UTP25: variants seen among roughly 807,000 people sequenced by gnomAD.
UTP25 encodes UTP25 small subunit processome component, also known as U3 small nucleolar RNA-associated protein 25 homolog.
UTP25 carries 50 observed loss-of-function variants against 78.9 expected under a neutral mutation model. That is an observed-to-expected ratio of 0.63 (90% CI 0.50 to 0.80). The LOEUF is 0.80. Among genes scored for constraint, UTP25 ranks in the 30% least tolerant of loss-of-function variants. The probability of loss-of-function intolerance (pLI) is 0.00; values close to 1 mark genes in which losing one functional copy is unlikely to be tolerated. For missense variants in UTP25, 846 were observed against 911.3 expected, an observed-to-expected ratio of 0.93 and a Z score of 0.92; for synonymous variants, 329 against 336.5, an observed-to-expected ratio of 0.98 and a Z score of 0.24.
intron 5 of UTP25, 150 bp from the exon 6 acceptor site, chr1:209,836,651 G>A (rs887764019): frequency 7.6e-6 from 6 of 792,452 alleles, no homozygotes; most frequent in Non-Finnish European, 9.7e-6. Flanking sequence ...ACTATAACAT[G>A]AGTATCATGG....
rs1234930297 is a variant in UTP25 at position 209,855,481 on chromosome 1, A to G, written c.*4034A>G. ...TTTCAAACAAACTGGTTTTCTCAGTATAGCCCTATGCTCAAAAGGAGTGAG... is the reference window on the plus strand; with the variant it reads ...TTTCAAACAAACTGGTTTTCTCAGTGTAGCCCTATGCTCAAAAGGAGTGAG... On this transcript the variant is annotated 3_prime_UTR_variant, in exon 12 of 12. Transcript: ENST00000491415. The G allele has an allele frequency of 6.6e-6, 1 of 152,312 alleles. No homozygotes were observed. Among genetic ancestry groups the G allele is most frequent in the African/African-American group, 2.4e-5 (1 of 41,480 alleles). The allele number at this position is 152,312 out of a possible 1,614,324, so 9.4% of individuals were successfully genotyped here.
chr1:209,832,441 C>T (rs932655857), intron 3 of UTP25, among the ~76,000 whole-genome samples: 4 of 152,124 alleles, frequency 2.6e-5, no homozygotes, highest in Non-Finnish European at 4.4e-5. Context: ...CTTTTTCCCC[C>T]AGTTATTTCT....
chr1:209,838,867 C>T, intron 6 of UTP25, 42 bp from the exon 7 acceptor site: 1 of 1,603,290 alleles, frequency 6.2e-7, no homozygotes. Flanking sequence ...GATCCTGTTC[C>T]TTCCTCTTAC....
In UTP25 at chr1:209,853,909, A is replaced by G. The variant is rs1370593864; in HGVS notation, c.*2462A>G. 1 of 152,256 alleles carries G rather than the reference A, an allele frequency of 6.6e-6. No homozygotes were observed. Among genetic ancestry groups the G allele is most frequent in the Non-Finnish European group, 1.5e-5 (1 of 68,040 alleles). 9.4% of individuals were successfully genotyped at this position (152,256 alleles called of 1,614,324 possible). ...TGCTTCTTGCCTGCAGAGAACACTG[A>G]GGATTTCAAGTGTGAACAAAGTAGT... On this transcript the variant is annotated 3_prime_UTR_variant, in exon 12 of 12. Transcript: ENST00000491415.
At chr1:209,838,773 G>T in intron 6 of UTP25, 136 bp from the exon 7 acceptor site, 2 of 949,706 alleles carry the variant, frequency 2.1e-6, no homozygotes, top group Non-Finnish European at 1.7e-6. Context: ...GCGCAAAGCG[G>T]GTAACATAGG....
At position 209,830,989 on chromosome 1, in the gene UTP25, A is replaced by G. The variant is rs372593846; in HGVS notation, c.334A>G (p.Ser112Gly). The change falls in exon 3 of 12, where the codon AGC becomes GGC. Residue 112 changes from serine to glycine, a missense_variant. Physicochemically the swap from Ser to Gly is moderately conservative, Grantham distance 56. Transcript: ENST00000491415. ...DAEMNDEDGG[S>G]DVSVEEEMAA... ...AGAAATGAACGATGAAGATGGTGGT[A>G]GCGATGTCAGTGTGGAAGAAGAGAT... The G allele has an allele frequency of 1.9e-6, 3 of 1,614,018 alleles. No individual in the cohort carries two copies. The highest frequency in any genetic ancestry group is 2.5e-6 in the Non-Finnish European group (3 of 1,180,000).
intron 11 of UTP25, among the ~76,000 whole-genome samples, chr1:209,848,494 TATA>T (rs1201045463): frequency 2.6e-5 from 4 of 152,232 alleles, no homozygotes; most frequent in African/African-American, 9.6e-5. Flanking sequence ...TGCTGTTGTA[TATA>T]ATAATACGCA....
At position 209,852,129 on chromosome 1, in the gene UTP25, T is replaced by C. The variant is rs1343006390; in HGVS notation, c.*682T>C. On this transcript the variant is annotated 3_prime_UTR_variant, in exon 12 of 12. Coordinates refer to ENST00000491415, the MANE Select transcript of UTP25 (RefSeq NM_014388.7). Reference sequence around the variant, plus strand: ...TTTGTTGAAACTCCATGTTAAAATATCCATCTTCAACAGTAGTGTCTTCAT... The same window carrying C: ...TTTGTTGAAACTCCATGTTAAAATACCCATCTTCAACAGTAGTGTCTTCAT... 1 of 152,246 alleles carries C rather than the reference T, an allele frequency of 6.6e-6. No homozygotes were observed. The highest frequency in any genetic ancestry group is 1.5e-5 in the Non-Finnish European group (1 of 68,040). The allele number at this position is 152,246 out of a possible 1,614,324, so 9.4% of individuals were successfully genotyped here. A position where few individuals can be genotyped will look rare whatever the true frequency, so the allele number is the denominator to read the frequency against.
At chr1:209,847,088 AT>A (rs538064326) in intron 11 of UTP25, among the ~76,000 whole-genome samples, 21 of 150,956 alleles carry the variant, frequency 1.4e-4, no homozygotes, top group African/African-American at 3.2e-4. Flanking sequence ...TGTTTTAAGG[AT>A]TTTTTTTTCC....
chr1:209,833,145 G>T (rs1473995182), intron 3 of UTP25, 40 bp from the exon 4 acceptor site: 3 of 1,568,248 alleles, frequency 1.9e-6, no homozygotes, highest in Middle Eastern at 3.4e-4. Context: ...AGTATAATTT[G>T]TGAGTAAATA....
Position 209,838,901 on chromosome 1 carries a change from C to T in UTP25, c.1063-8C>T. On this transcript the variant is annotated splice_region_variant and splice_polypyrimidine_tract_variant and intron_variant, in intron 6 of 11. Coordinates refer to ENST00000491415, the MANE Select transcript of UTP25 (RefSeq NM_014388.7). The stretch of plus-strand genomic sequence containing the variant: ...ACCCCACTAAGGCTGCTGTTGCTGT[C>T]TGCACAGGTACTGATAGTGGTGCCA... 1 of 1,613,944 alleles carries T rather than the reference C, an allele frequency of 6.2e-7. No homozygotes were observed. Among genetic ancestry groups the T allele is most frequent in the Non-Finnish European group, 8.5e-7 (1 of 1,179,870 alleles).
intron 10 of UTP25, chr1:209,842,926 A>C (rs1359881685): frequency 3.8e-6 from 2 of 532,050 alleles, no homozygotes; most frequent in Non-Finnish European, 6.7e-6. Context: ...ACTATAAATC[A>C]GGACTCTTTC....
At chr1:209,836,365 G>A (rs1452839731) in intron 5 of UTP25, among the ~76,000 whole-genome samples, 1 of 152,194 alleles carries the variant, frequency 6.6e-6, no homozygotes, top group Non-Finnish European at 1.5e-5. Context: ...CATAGAACTT[G>A]TCAACACCTT....
Position 209,839,276 on chromosome 1 carries a change from T to C in UTP25, c.1282+148T>C, listed in dbSNP as rs2078152929. 6 of 797,412 alleles carry C rather than the reference T, an allele frequency of 7.5e-6. No homozygotes were observed. The East Asian group carries it at 1.6e-4, about 21-fold the overall frequency. The allele number at this position is 797,412 out of a possible 1,614,324, so 49.4% of individuals were successfully genotyped here. On this transcript the variant is annotated intron_variant, in intron 7 of 11. Coordinates refer to ENST00000491415, the MANE Select transcript of UTP25 (RefSeq NM_014388.7). ...TGCCTTTGAGACATGTTGTTTGCCA[T>C]GGGAGAGTCTTGCCTTGGCTAATGG...
chr1:209,847,812 C>T lies in UTP25; in HGVS notation c.2028-3392C>T, dbSNP rs2078207342. Reference sequence around the variant, plus strand: ...TTCTGGTGGTTCCAGTGGGTTGAGACCAGTGATGCTGTGAAACACCTTCGT... The same window carrying T: ...TTCTGGTGGTTCCAGTGGGTTGAGATCAGTGATGCTGTGAAACACCTTCGT... On this transcript the variant is annotated intron_variant, in intron 11 of 11. Transcript: ENST00000491415. Among the ~76,000 whole-genome samples the T allele has an allele frequency of 3.9e-5, 6 of 152,184 alleles. No homozygotes were observed. The South Asian group carries it at 1.2e-3, about 32-fold the overall frequency.
chr1:209,853,074 T>C lies in UTP25; in HGVS notation c.*1627T>C, dbSNP rs2078250145. On this transcript the variant is annotated 3_prime_UTR_variant, in exon 12 of 12. Transcript: ENST00000491415. ...AAAAGTAAAATCAGTTTTGAAGTAA[T>C]ATTTCTGCTAAATATTTAGACATTT... 6.6e-6 allele frequency: 1 copy of C among 152,226 alleles called. No homozygotes were observed. The highest frequency in any genetic ancestry group is 2.4e-5 in the African/African-American group (1 of 41,464). The allele number at this position is 152,226 out of a possible 1,614,324, so 9.4% of individuals were successfully genotyped here. A position where few individuals can be genotyped will look rare whatever the true frequency, so the allele number is the denominator to read the frequency against.
intron 10 of UTP25, 118 bp from the exon 11 acceptor site, chr1:209,843,333 G>T: frequency 1.7e-6 from 2 of 1,207,592 alleles, no homozygotes. Context: ...AAATCATATT[G>T]GCCTCTGGGG....
rs1222785318 is a variant in UTP25 at position 209,854,539 on chromosome 1, G to T, written c.*3092G>T. The T allele has an allele frequency of 1.3e-5, 2 of 152,248 alleles. No individual in the cohort carries two copies. Among genetic ancestry groups the T allele is most frequent in the South Asian group, 4.1e-4 (2 of 4,834 alleles). The allele number at this position is 152,248 out of a possible 1,614,324, so 9.4% of individuals were successfully genotyped here. A position where few individuals can be genotyped will look rare whatever the true frequency, so the allele number is the denominator to read the frequency against. On this transcript the variant is annotated 3_prime_UTR_variant, in exon 12 of 12. Transcript: ENST00000491415. Reference sequence around the variant, plus strand: ...CCTCATACCCCAGAGGACCAAGGGGGGCTCATGAAGGCTCTCAGCCCTGAT... The same window carrying T: ...CCTCATACCCCAGAGGACCAAGGGGTGCTCATGAAGGCTCTCAGCCCTGAT...
At chr1:209,840,380 T>A (rs1036609127) in intron 7 of UTP25, among the ~76,000 whole-genome samples, 3 of 152,130 alleles carry the variant, frequency 2.0e-5, no homozygotes, top group South Asian at 4.1e-4. Flanking sequence ...AAAGTGAGAG[T>A]TGAAGTCATG....
Sources: gnomAD v4.1 joint callset for allele counts (sites outside exome capture counted in the v4.1 genomes callset) on GRCh38, gnomAD v4.1.1 for gene constraint, MANE v1.5 for transcripts, NCBI Gene and HGNC (gene_info 2026-07-23, HGNC 2026-07-21) for gene names.